Variants in TMEM114 observed in about 807,000 individuals in gnomAD.
The protein encoded by TMEM114 is claudin-26.
A neutral mutation model predicts 6.2 loss-of-function variants in TMEM114; 6 were observed. That is an observed-to-expected ratio of 0.97 (90% CI 0.53 to 1.91). The LOEUF (loss-of-function observed/expected upper bound fraction) is 1.91. Among genes scored for constraint, TMEM114 ranks in the 40% most tolerant of loss-of-function variants. The pLI, the probability that TMEM114 is intolerant of heterozygous loss-of-function variation, is 0.01. For synonymous variants in TMEM114, 104 were observed against 73.0 expected, an observed-to-expected ratio of 1.42 and a Z score of -2.16; for missense variants, 218 against 158.3, an observed-to-expected ratio of 1.38 and a Z score of -2.02.
chr16:8,569,926 C>G lies in TMEM114; in HGVS notation c.519G>C (p.Glu173Asp), dbSNP rs939785692. The change falls in exon 4 of 4, where the codon GAG (glutamate) becomes GAC (aspartate). Residue 173 changes from glutamate to aspartate, a missense_variant. By Grantham distance (45) the Glu-to-Asp change is conservative. Coordinates refer to ENST00000620492, the MANE Select transcript of TMEM114 (RefSeq NM_001146336.2). Reference protein sequence around the residue: ...AAFREALCLLEEKALLDQVDI... With the variant: ...AAFREALCLLDEKALLDQVDI... Reference sequence around the variant, plus strand: ...CCACCTGGTCCAGGAGGGCCTTCTCCTCCAAGAGACACAGCGCCTCCCGGA... The same window carrying G: ...CCACCTGGTCCAGGAGGGCCTTCTCGTCCAAGAGACACAGCGCCTCCCGGA... The G allele has an allele frequency of 1.3e-6, 2 of 1,551,194 alleles. No individual in the cohort carries two copies. The highest frequency in any genetic ancestry group is 1.7e-6 in the Non-Finnish European group (2 of 1,146,960).
chr16:8,571,968 G>A, intron 3 of TMEM114, 119 bp downstream of exon 3: 2 of 1,253,596 alleles, frequency 1.6e-6, no homozygotes, highest in Non-Finnish European at 2.1e-6. Flanking sequence ...TATCCCAGAA[G>A]GGGAAACTGA....
intron 2 of TMEM114, among the ~76,000 whole-genome samples, chr16:8,563,781 C>A (rs61720743): frequency 8.3e-5 from 12 of 143,802 alleles, no homozygotes; most frequent in East Asian, 2.1e-4. Context: ...GAGTGAATGA[C>A]TGAGTGAGTA....
intron 2 of TMEM114, among the ~76,000 whole-genome samples, chr16:8,580,598 G>A: frequency 6.6e-6 from 1 of 151,734 alleles, no homozygotes; most frequent in East Asian, 1.9e-4. Flanking sequence ...AAATGACTCA[G>A]TGTGCATCTT....
At chr16:8,567,162 G>C (rs1453772795), downstream of TMEM114, among the ~76,000 whole-genome samples, 3 of 151,872 alleles carry the variant, frequency 2.0e-5, no homozygotes, top group African/African-American at 7.3e-5. Context: ...GCCTGTCTTG[G>C]CATCCCAAAG....
the TMEM114 span, among the ~76,000 whole-genome samples, chr16:8,529,042 G>A: frequency 6.6e-6 from 1 of 152,190 alleles, no homozygotes; most frequent in African/African-American, 2.4e-5. Context: ...AGGTGGGAAA[G>A]GCACTCTCAG....
chr16:8,554,641 T>A (rs191784701), intron 2 of TMEM114, among the ~76,000 whole-genome samples: 2 of 151,998 alleles, frequency 1.3e-5, no homozygotes, highest in East Asian at 3.9e-4. Context: ...TTGCTGAATG[T>A]AAGAATGATG....
At chr16:8,575,026 A>C (rs766004644) in intron 2 of TMEM114, among the ~76,000 whole-genome samples, 4 of 152,166 alleles carry the variant, frequency 2.6e-5, no homozygotes, top group Non-Finnish European at 5.9e-5. Context: ...CTCTGAATGC[A>C]CTTGGGGAAG....
chr16:8,540,913 A>G (rs1238216889), intron 2 of TMEM114, among the ~76,000 whole-genome samples: 2 of 152,204 alleles, frequency 1.3e-5, no homozygotes, highest in Admixed American at 6.5e-5. Context: ...TTGAGCTGAG[A>G]TGGAACTCAG....
chr16:8,582,871 C>A lies in TMEM114; in HGVS notation c.301+6342G>T, dbSNP rs553359534. Among the ~76,000 whole-genome samples the A allele has an allele frequency of 2.6e-5, 4 of 151,952 alleles. No individual in the cohort carries two copies. The South Asian group carries it at 8.3e-4, about 32-fold the overall frequency. On this transcript the variant is annotated intron_variant, in intron 2 of 3. Transcript: ENST00000620492. The stretch of plus-strand genomic sequence containing the variant: ...CTCAGATCTCAGCACTACACTCCAG[C>A]CTGGGCAACAGAGTGAGACAAGAAA...
chr16:8,570,082 C>A, intron 3 of TMEM114, 77 bp from the exon 4 acceptor site: 1 of 1,486,658 alleles, frequency 6.7e-7, no homozygotes, highest in Non-Finnish European at 9.0e-7. Flanking sequence ...TCGCCCTGCC[C>A]AGCCACGCTG....
the TMEM114 span, among the ~76,000 whole-genome samples, chr16:8,528,087 G>C: frequency 6.6e-6 from 1 of 152,044 alleles, no homozygotes; most frequent in African/African-American, 2.4e-5. Context: ...TTTTGGTAGA[G>C]ATGGGATTTC....
downstream of TMEM114, among the ~76,000 whole-genome samples, chr16:8,536,654 T>C (rs1443043279): frequency 6.6e-6 from 1 of 152,186 alleles, no homozygotes; most frequent in Non-Finnish European, 1.5e-5. Flanking sequence ...TTTTCTTTTT[T>C]TATTTTGGTT....
At chr16:8,546,420 G>A (rs1384280249) in intron 2 of TMEM114, among the ~76,000 whole-genome samples, 1 of 152,166 alleles carries the variant, frequency 6.6e-6, no homozygotes, top group Admixed American at 6.5e-5. Flanking sequence ...ACAGTAGCCA[G>A]ACTCTATATA....
downstream of TMEM114, chr16:8,569,376 G>A (rs189481575): frequency 3.1e-3 from 2,757 of 883,202 alleles, 3 homozygotes; most frequent in Middle Eastern, 3.7e-3. Context: ...GCATTACAGG[G>A]CCCAGGAGGT....
intron 2 of TMEM114, among the ~76,000 whole-genome samples, chr16:8,540,466 G>A (rs1423546627): frequency 6.6e-6 from 1 of 152,162 alleles, no homozygotes; most frequent in Non-Finnish European, 1.5e-5. Context: ...AATAATGCAA[G>A]TAAAATAGCT....
the TMEM114 span, among the ~76,000 whole-genome samples, chr16:8,530,621 G>C: frequency 1.2e-4 from 18 of 151,900 alleles, 1 homozygote; most frequent in Non-Finnish European, 1.8e-4. Context: ...AAGGTGGGAT[G>C]GATGAAGGGA....
chr16:8,535,085 G>A (rs57565245), downstream of TMEM114, among the ~76,000 whole-genome samples: 88,687 of 151,568 alleles, frequency 0.59, 25,946 homozygotes, highest in South Asian at 0.68. Flanking sequence ...GTGAGTGGTG[G>A]GAAGTCTCAC....
intron 2 of TMEM114, among the ~76,000 whole-genome samples, chr16:8,562,082 G>T (rs1161035568): frequency 6.6e-6 from 1 of 151,394 alleles, no homozygotes; most frequent in Admixed American, 6.6e-5. Context: ...GTGAGTGAAT[G>T]AATGAGTGAG....
At chr16:8,541,791 C>T (rs181143911) in intron 2 of TMEM114, among the ~76,000 whole-genome samples, 1 of 152,292 alleles carries the variant, frequency 6.6e-6, no homozygotes, top group African/African-American at 2.4e-5. Context: ...TATGGGGTTA[C>T]TTGGCAGAGG....
Sources: allele counts gnomAD v4.1 joint callset (sites outside exome capture counted in the v4.1 genomes callset), GRCh38; gene constraint gnomAD v4.1.1; transcripts MANE v1.5; gene names NCBI Gene and HGNC (gene_info 2026-07-23, HGNC 2026-07-21).